Variants in PCDHGA6 observed in about 807,000 individuals in gnomAD.
PCDHGA6 encodes the protein protocadherin gamma subfamily A, 6, also known as protocadherin gamma-A6.
A neutral mutation model predicts 60.6 loss-of-function variants in PCDHGA6; 41 were observed. The observed-to-expected ratio is 0.68, with a 90% CI of 0.53 to 0.88. PCDHGA6 has a LOEUF of 0.88. Ranked by LOEUF, PCDHGA6 falls within the 40% of genes least tolerant of loss-of-function variation. The pLI is 0.00. For synonymous variants in PCDHGA6, 594 were observed against 524.4 expected (o/e 1.13, Z -1.81); for missense variants, 1,312 against 1,203.0 (o/e 1.09, Z -1.34).
At chr5:141,472,745 G>A (rs931198460) in intron 1 of PCDHGA6, among the ~76,000 whole-genome samples, 4 of 152,038 alleles carry the variant, frequency 2.6e-5, no homozygotes, top group African/African-American at 9.7e-5. Flanking sequence ...CAGCACTTTG[G>A]GAGGCGGAGG....
At chr5:141,404,231 A>G (rs1403622769) in intron 1 of PCDHGA6, 1 of 1,613,928 alleles carries the variant, frequency 6.2e-7, no homozygotes, top group Non-Finnish European at 8.5e-7. Context: ...TGCAACAGAC[A>G]GAGGAACTCC....
intron 1 of PCDHGA6, chr5:141,422,687 T>C: frequency 6.2e-7 from 1 of 1,604,936 alleles, no homozygotes; most frequent in Non-Finnish European, 8.5e-7. Flanking sequence ...CAGAATGCCC[T>C]GGTCACTTAC....
At chr5:141,422,375 T>G (rs2096644332) in intron 1 of PCDHGA6, 3 of 1,570,696 alleles carry the variant, frequency 1.9e-6, no homozygotes, top group Admixed American at 1.9e-5. Flanking sequence ...AATGGTCAAG[T>G]CTCCTGTTTT....
chr5:141,463,965 C>T (rs1207852177), intron 1 of PCDHGA6, among the ~76,000 whole-genome samples: 1 of 151,648 alleles, frequency 6.6e-6, no homozygotes, highest in African/African-American at 2.4e-5. Context: ...AAAATAGCTT[C>T]ATAAAACTCC....
rs750928530 is a variant in PCDHGA6 at position 141,490,174 on chromosome 5, G to T, written c.2425-4633G>T. 1 of 1,614,056 alleles carries T rather than the reference G, an allele frequency of 6.2e-7. No individual in the cohort carries two copies. Among genetic ancestry groups the T allele is most frequent in the South Asian group, 1.1e-5 (1 of 91,086 alleles). ...TGTGTTGGGTCCCATAGACTTTGAG[G>T]AGTCACGTTTCTATGAAATTCATGC... On this transcript the variant is annotated intron_variant, in intron 1 of 3. Transcript: ENST00000517434. This position sits in a 1 kb window ranked among gnomAD's most constrained non-coding sequence, Gnocchi z 5.4.
Position 141,485,795 on chromosome 5 carries a change from T to G in PCDHGA6, c.2425-9012T>G, listed in dbSNP as rs1225630684. On this transcript the variant is annotated intron_variant, in intron 1 of 3. Coordinates refer to ENST00000517434, the MANE Select transcript of PCDHGA6 (RefSeq NM_018919.3). The surrounding 1 kb of genome is among the most constrained non-coding windows in gnomAD (Gnocchi z 5.7). ...TTTGGATCGAGAGAAGCAATCGGAC[T>G]ACCGCCTGGTGCTGACTGCTGTCGA... 16 of 1,614,092 alleles carry G rather than the reference T, an allele frequency of 9.9e-6. No individual in the cohort carries two copies. The highest frequency in any genetic ancestry group is 1.1e-5 in the Non-Finnish European group (13 of 1,180,046).
chr5:141,474,557 G>A (rs1261720500), intron 1 of PCDHGA6, among the ~76,000 whole-genome samples: 1 of 152,184 alleles, frequency 6.6e-6, no homozygotes, highest in African/African-American at 2.4e-5. Context: ...AAAACTGGGG[G>A]TTTTCAGAGA....
At chr5:141,394,798 T>C (rs770334197) in intron 1 of PCDHGA6, 1 of 1,613,818 alleles carries the variant, frequency 6.2e-7, no homozygotes, top group Non-Finnish European at 8.5e-7. Flanking sequence ...ACGCTCACCG[T>C]AGCCGTGGCT....
intron 1 of PCDHGA6, chr5:141,430,946 G>C: frequency 6.2e-7 from 1 of 1,609,494 alleles, no homozygotes. Context: ...CGCGGAGCGC[G>C]GAGTCCGCAT....
At position 141,502,487 on chromosome 5, in the gene PCDHGA6, C is replaced by T. The variant is rs563658817; in HGVS notation, c.2484-2906C>T. ...TACTTCCCGCAGCATCACACTGGGACTCATCTAACGTCGGCCTGTCCCACT... is the reference window on the plus strand; with the variant it reads ...TACTTCCCGCAGCATCACACTGGGATTCATCTAACGTCGGCCTGTCCCACT... On this transcript the variant is annotated intron_variant, in intron 2 of 3. Coordinates refer to ENST00000517434, the MANE Select transcript of PCDHGA6 (RefSeq NM_018919.3). Among the ~76,000 whole-genome samples, 92 of 152,298 alleles carry T rather than the reference C, an allele frequency of 6.0e-4. 3 individuals are homozygous for T. The highest frequency in any genetic ancestry group is 1.5e-4 in the Non-Finnish European group (10 of 68,030).
chr5:141,470,969 A>T (rs62379203), intron 1 of PCDHGA6, among the ~76,000 whole-genome samples: 1 of 151,298 alleles, frequency 6.6e-6, no homozygotes, highest in Non-Finnish European at 1.5e-5. Flanking sequence ...CTCCCACCTC[A>T]GCCTCCCAAA....
In PCDHGA6 at chr5:141,418,047, C is replaced by G. The variant is rs968352679; in HGVS notation, c.2424+41540C>G. The G allele has an allele frequency of 6.2e-6, 10 of 1,613,894 alleles. No individual in the cohort carries two copies. The highest frequency in any genetic ancestry group is 1.6e-4 in the Middle Eastern group (1 of 6,076). ...GGGCTTAGTGTCCTGGATGTGTCGG[C>G]TCGCGAGCTGCGAGTGAGCGCGGAG... On this transcript the variant is annotated intron_variant, in intron 1 of 3. Transcript: ENST00000517434.
In PCDHGA6 at chr5:141,374,652, A is replaced by C. The variant is rs947408708; in HGVS notation, c.569A>C (p.Lys190Thr). Reference sequence around the variant, plus strand: ...GTGCAAAGCGAAGCCCATGGGCCCAAGTACCCGGAGCTGGTGCTGGAGGGC... The same window carrying C: ...GTGCAAAGCGAAGCCCATGGGCCCACGTACCCGGAGCTGGTGCTGGAGGGC... Reference protein sequence around the residue: ...VDVQSEAHGPKYPELVLEGTL... With the variant: ...VDVQSEAHGPTYPELVLEGTL... Residue 190 changes from lysine (K) to threonine (T), a missense_variant, in exon 1 of 4, where the codon AAG (lysine) becomes ACG (threonine). By Grantham distance (78) the Lys-to-Thr change is moderately conservative (BLOSUM62 -1). Coordinates refer to ENST00000517434, the MANE Select transcript of PCDHGA6 (RefSeq NM_018919.3). 1.2e-6 allele frequency: 2 copies of C among 1,612,302 alleles called. No homozygotes were observed.
chr5:141,419,469 A>G, intron 1 of PCDHGA6: 1 of 1,612,490 alleles, frequency 6.2e-7, no homozygotes, highest in South Asian at 1.1e-5. Context: ...GCCCGCGACC[A>G]GGGCTCGCCC....
intron 1 of PCDHGA6, among the ~76,000 whole-genome samples, chr5:141,455,082 G>A (rs1323760148): frequency 1.3e-5 from 2 of 151,932 alleles, no homozygotes; most frequent in African/African-American, 2.4e-5. Context: ...AAAGTGCTGG[G>A]ATTACAGGCT....
At chr5:141,388,619 C>T (rs369637121) in intron 1 of PCDHGA6, 3 of 1,613,852 alleles carry the variant, frequency 1.9e-6, no homozygotes, top group Non-Finnish European at 2.5e-6. Context: ...TCAGTCAAGA[C>T]GTATACAGGG....
At chr5:141,380,197 G>A (rs1222877039) in intron 1 of PCDHGA6, among the ~76,000 whole-genome samples, 1 of 152,144 alleles carries the variant, frequency 6.6e-6, no homozygotes, top group East Asian at 1.9e-4. Flanking sequence ...ACTGAGCCCG[G>A]CCTGAAAGGC....
chr5:141,470,016 C>T (rs116065751), intron 1 of PCDHGA6, among the ~76,000 whole-genome samples: 69 of 152,264 alleles, frequency 4.5e-4, no homozygotes, highest in Non-Finnish European at 7.2e-4. Flanking sequence ...GTAATCCCAG[C>T]TACTCGGGAT....
chr5:141,434,714 G>A (rs1333237898), intron 1 of PCDHGA6, among the ~76,000 whole-genome samples: 1 of 151,564 alleles, frequency 6.6e-6, no homozygotes, highest in Non-Finnish European at 1.5e-5. Context: ...GTAAATCTCT[G>A]TTCAGGGCTC....
Sources: allele counts gnomAD v4.1 joint callset (sites outside exome capture counted in the v4.1 genomes callset), GRCh38; gene constraint gnomAD v4.1.1; non-coding constraint Gnocchi (gnomAD v3.1); transcripts MANE v1.5; gene names NCBI Gene and HGNC (gene_info 2026-07-23, HGNC 2026-07-21).